CFAP20DC: variants seen among roughly 807,000 people sequenced by gnomAD.
CFAP20DC encodes the protein CFAP20 domain containing.
In CFAP20DC, 84 loss-of-function variants were observed where a neutral mutation model predicts 101.7. The observed-to-expected ratio is 0.83, with a 90% CI of 0.69 to 0.99. CFAP20DC has a LOEUF of 0.99. CFAP20DC is among the 50% of genes least tolerant of loss of function. CFAP20DC has a pLI of 0.00. For missense variants in CFAP20DC, 1,007 were observed against 970.3 expected, an observed-to-expected ratio of 1.04 and a Z score of -0.50; for synonymous variants, 359 against 351.2, an observed-to-expected ratio of 1.02 and a Z score of -0.25.
chr3:58,991,724 G>C (rs965212600), intron 4 of CFAP20DC, among the ~76,000 whole-genome samples: 12 of 152,042 alleles, frequency 7.9e-5, no homozygotes, highest in African/African-American at 2.7e-4. Context: ...GCTCTCCTAC[G>C]AGAATCTAAT....
chr3:58,932,100 C>T (rs546918640), intron 5 of CFAP20DC, among the ~76,000 whole-genome samples: 7 of 152,284 alleles, frequency 4.6e-5, no homozygotes, highest in African/African-American at 1.7e-4. Context: ...AGGTGAAAGC[C>T]AAGGCTTGAG....
At chr3:58,765,610 A>G (rs756236353) in intron 15 of CFAP20DC, among the ~76,000 whole-genome samples, 2 of 151,756 alleles carry the variant, frequency 1.3e-5, no homozygotes, top group Non-Finnish European at 2.9e-5. Flanking sequence ...TTAAGTAATT[A>G]TTTGGCGTAG....
At chr3:59,048,869 C>T (rs1397975421) in intron 1 of CFAP20DC, among the ~76,000 whole-genome samples, 2 of 152,102 alleles carry the variant, frequency 1.3e-5, no homozygotes, top group East Asian at 1.9e-4. Flanking sequence ...AGGGAGGTGT[C>T]CAGTGAGGTG....
At position 58,728,307 on chromosome 3, in the gene CFAP20DC, G is replaced by A. The variant is rs575239629; in HGVS notation, c.198-10679C>T. 5.3e-5 allele frequency among the ~76,000 whole-genome samples: 8 copies of A among 152,338 alleles called. No homozygotes were observed. The South Asian group carries it at 6.2e-4, about 12-fold the overall frequency. On this transcript the variant is annotated intron_variant, in intron 3 of 3. Coordinates refer to the CFAP20DC transcript ENST00000486145. The surrounding 1 kb of genome is among the most constrained non-coding windows in gnomAD (Gnocchi z 4.7). ...AAATACCTTTGGCTGTCCCATTGGG[G>A]AGGAAATTGGAAGAAGATTCACGTC... is the stretch of plus-strand genomic sequence containing the variant.
At chr3:58,819,222 A>T (rs2075426509) in intron 14 of CFAP20DC, among the ~76,000 whole-genome samples, 1 of 151,684 alleles carries the variant, frequency 6.6e-6, no homozygotes, top group South Asian at 2.1e-4. Flanking sequence ...TAACATCACA[A>T]TTAAAAGAAC....
At chr3:58,910,482 T>C (rs745760556) in intron 6 of CFAP20DC, among the ~76,000 whole-genome samples, 16 of 152,152 alleles carry the variant, frequency 1.1e-4, no homozygotes, top group Non-Finnish European at 1.5e-4. Context: ...TAGATATCAT[T>C]CTTATTCCCA....
chr3:58,730,643 C>T (rs781148168), intron 3 of CFAP20DC, among the ~76,000 whole-genome samples: 10 of 152,094 alleles, frequency 6.6e-5, no homozygotes, highest in Non-Finnish European at 1.3e-4. Context: ...ATTTGCCATC[C>T]GTTGAGGTAG....
chr3:58,869,247 T>C lies in CFAP20DC; in HGVS notation c.1015+81A>G. 1 of 1,149,566 alleles carries C rather than the reference T, an allele frequency of 8.7e-7. No individual in the cohort carries two copies. The highest frequency in any genetic ancestry group is 1.2e-6 in the Non-Finnish European group (1 of 815,034). 71.2% of individuals were successfully genotyped at this position (1,149,566 alleles called of 1,614,324 possible). ...TCTAGACTTAAGATCTAGACTTGAA[T>C]ATAACTGCTGATTTATCTTAACAAG... On this transcript the variant is annotated intron_variant, in intron 9 of 16. Transcript: ENST00000482387. This position sits in a 1 kb window ranked among gnomAD's most constrained non-coding sequence, Gnocchi z 4.3.
At chr3:58,810,818 C>T (rs1486508373) in intron 14 of CFAP20DC, among the ~76,000 whole-genome samples, 13 of 151,570 alleles carry the variant, frequency 8.6e-5, no homozygotes, top group South Asian at 2.1e-4. Context: ...TTGTCTCAGT[C>T]CAAAATCTCC....
At chr3:58,988,716 A>C (rs1345401787) in intron 4 of CFAP20DC, among the ~76,000 whole-genome samples, 1 of 152,200 alleles carries the variant, frequency 6.6e-6, no homozygotes, top group East Asian at 1.9e-4. Context: ...TTTCTCCTAA[A>C]GAGAAATGTA....
chr3:58,867,400 C>A (rs947776108), intron 10 of CFAP20DC, among the ~76,000 whole-genome samples: 1 of 152,056 alleles, frequency 6.6e-6, no homozygotes, highest in Non-Finnish European at 1.5e-5. Flanking sequence ...GGTGAATAAT[C>A]CAAAGGGAGA....
intron 4 of CFAP20DC, among the ~76,000 whole-genome samples, chr3:58,940,513 AC>A (rs2088391961): frequency 6.6e-6 from 1 of 152,206 alleles, no homozygotes; most frequent in African/African-American, 2.4e-5. Flanking sequence ...TTGTCCCAAC[AC>A]CATTTATTGA....
intron 14 of CFAP20DC, among the ~76,000 whole-genome samples, chr3:58,814,957 C>T (rs1327992959): frequency 6.6e-6 from 1 of 150,906 alleles, no homozygotes; most frequent in Non-Finnish European, 1.5e-5. Flanking sequence ...GATTCAATGC[C>T]ATCCCCATCA....
rs1221776370 is a variant in CFAP20DC, at chr3:59,014,527, A to AC, written c.278+25029_278+25030insG. Among the ~76,000 whole-genome samples the AC allele has an allele frequency of 2.0e-5, 3 of 152,170 alleles. No individual in the cohort carries two copies. Among genetic ancestry groups the AC allele is most frequent in the African/African-American group, 7.2e-5 (3 of 41,454 alleles). On this transcript the variant is annotated intron_variant, in intron 4 of 16. Coordinates refer to ENST00000482387, the MANE Select transcript of CFAP20DC (RefSeq NM_001394063.1). The surrounding 1 kb of genome is among the most constrained non-coding windows in gnomAD (Gnocchi z 4.9). The stretch of plus-strand genomic sequence containing the variant: ...AGAGGGTAACAGTTGAAAAGCCTGA[A>AC]TTTTTCTGACAGTACTTGCAGTTAA...
intron 7 of CFAP20DC, among the ~76,000 whole-genome samples, chr3:58,880,701 A>T (rs1399836725): frequency 6.6e-6 from 1 of 152,192 alleles, no homozygotes; most frequent in Non-Finnish European, 1.5e-5. Flanking sequence ...GTTGTAACAG[A>T]TTCCACAGAT....
chr3:58,840,128 GTTAT>G (rs1559680770), intron 13 of CFAP20DC, among the ~76,000 whole-genome samples: 2 of 152,194 alleles, frequency 1.3e-5, no homozygotes, highest in Non-Finnish European at 2.9e-5. Flanking sequence ...CAGTGGAAAT[GTTAT>G]TTAATCACCA....
intron 12 of CFAP20DC, among the ~76,000 whole-genome samples, chr3:58,855,865 T>C (rs1440771969): frequency 3.4e-5 from 5 of 146,042 alleles, no homozygotes; most frequent in Admixed American, 1.4e-4. Flanking sequence ...GGGATAGCAT[T>C]GGGAGATATA....
At chr3:58,812,326 A>C (rs955634679) in intron 14 of CFAP20DC, among the ~76,000 whole-genome samples, 9 of 152,142 alleles carry the variant, frequency 5.9e-5, no homozygotes, top group East Asian at 1.9e-4. Flanking sequence ...CAATGATAGA[A>C]TGGATTAAGA....
At chr3:58,817,124 C>T (rs1260298212) in intron 14 of CFAP20DC, among the ~76,000 whole-genome samples, 2 of 151,896 alleles carry the variant, frequency 1.3e-5, no homozygotes, top group Non-Finnish European at 2.9e-5. Flanking sequence ...GACATCCACA[C>T]CGAAAACCCA....
Sources: allele counts gnomAD v4.1 joint callset (sites outside exome capture counted in the v4.1 genomes callset), GRCh38; gene constraint gnomAD v4.1.1; non-coding constraint Gnocchi (gnomAD v3.1); transcripts MANE v1.5; gene names NCBI Gene and HGNC (gene_info 2026-07-23, HGNC 2026-07-21).